The following ZBTB8A variants were observed in gnomAD, a reference collection of about 807,000 sequenced individuals.
The protein encoded by ZBTB8A is zinc finger and BTB domain-containing protein 8A.
In ZBTB8A, 19 loss-of-function variants were observed where a neutral mutation model predicts 37.8. That is an observed-to-expected ratio of 0.50 (90% CI 0.35 to 0.74). The LOEUF is 0.74. ZBTB8A is among the 30% of genes least tolerant of loss of function. The pLI, the probability that ZBTB8A is intolerant of heterozygous loss-of-function variation, is 0.01. For synonymous variants in ZBTB8A, 181 were observed against 185.2 expected, an observed-to-expected ratio of 0.98 and a Z score of 0.19; for missense variants, 394 against 537.8, an observed-to-expected ratio of 0.73 and a Z score of 2.65.
chr1:32,585,777 TGGATCA>T (rs1644443200), intron 2 of ZBTB8A, among the ~76,000 whole-genome samples: 2 of 151,972 alleles, frequency 1.3e-5, no homozygotes, highest in Admixed American at 1.3e-4. Context: ...CCAAGGTGGG[TGGATCA>T]CCTGAAGTCA....
chr1:32,546,299 C>T (rs948609595), intron 1 of ZBTB8A, among the ~76,000 whole-genome samples: 5 of 152,114 alleles, frequency 3.3e-5, no homozygotes, highest in East Asian at 3.9e-4. Context: ...TAATAATTAG[C>T]CAGGTGTGGT....
intron 1 of ZBTB8A, among the ~76,000 whole-genome samples, chr1:32,551,994 A>G (rs1354280034): frequency 6.6e-6 from 1 of 152,076 alleles, no homozygotes; most frequent in Non-Finnish European, 1.5e-5. Context: ...GAGCAATAGG[A>G]CTTACTATCT....
intron 4 of ZBTB8A, among the ~76,000 whole-genome samples, chr1:32,596,818 TA>T (rs1286697083): frequency 6.6e-6 from 1 of 152,204 alleles, no homozygotes; most frequent in Non-Finnish European, 1.5e-5. Flanking sequence ...CTTAGTCTAA[TA>T]TGTTTTTATA....
At chr1:32,592,798 G>A in intron 2 of ZBTB8A, 133 bp from the exon 3 acceptor site, 1 of 726,118 alleles carries the variant, frequency 1.4e-6, no homozygotes, top group East Asian at 2.7e-5. Flanking sequence ...GTGAGCCACT[G>A]TGCCCAGCCA....
At chr1:32,560,857 C>A (rs911219627) in intron 2 of ZBTB8A, among the ~76,000 whole-genome samples, 1 of 151,972 alleles carries the variant, frequency 6.6e-6, no homozygotes, top group Non-Finnish European at 1.5e-5. Context: ...AACTCCTGAC[C>A]TCAAGTGATC....
At chr1:32,597,546 C>T (rs986445783) in intron 4 of ZBTB8A, among the ~76,000 whole-genome samples, 6 of 152,204 alleles carry the variant, frequency 3.9e-5, no homozygotes, top group African/African-American at 1.2e-4. Context: ...GAGCTGGAAT[C>T]AGCCATTTCT....
At chr1:32,556,530 C>T (rs1644203931) in intron 2 of ZBTB8A, among the ~76,000 whole-genome samples, 1 of 152,082 alleles carries the variant, frequency 6.6e-6, no homozygotes, top group Non-Finnish European at 1.5e-5. Flanking sequence ...TCATGCCCAG[C>T]CAATTTTTAA....
At chr1:32,573,228 A>T (rs1440471815) in intron 2 of ZBTB8A, among the ~76,000 whole-genome samples, 1 of 144,434 alleles carries the variant, frequency 6.9e-6, no homozygotes, top group East Asian at 2.0e-4. Flanking sequence ...GTGCCACCAC[A>T]CCCGGCTAAT....
intron 2 of ZBTB8A, among the ~76,000 whole-genome samples, chr1:32,576,696 T>G (rs1044516632): frequency 1.3e-5 from 2 of 152,052 alleles, no homozygotes; most frequent in Admixed American, 1.3e-4. Flanking sequence ...CCCAAAGTGC[T>G]GGGATTACAG....
intron 2 of ZBTB8A, among the ~76,000 whole-genome samples, chr1:32,578,330 G>T (rs774705817): frequency 6.7e-6 from 1 of 150,202 alleles, no homozygotes; most frequent in Non-Finnish European, 1.5e-5. Flanking sequence ...GCCTGCCTCC[G>T]CCTCCCAAAG....
intron 2 of ZBTB8A, among the ~76,000 whole-genome samples, chr1:32,566,580 A>G (rs1248581788): frequency 5.9e-5 from 9 of 152,172 alleles, no homozygotes; most frequent in Non-Finnish European, 1.3e-4. Context: ...TAGTTCTTCC[A>G]CATAATTGCC....
chr1:32,555,101 A>G (rs1570319669), intron 2 of ZBTB8A, among the ~76,000 whole-genome samples: 1 of 152,156 alleles, frequency 6.6e-6, no homozygotes, highest in Non-Finnish European at 1.5e-5. Context: ...TAATAATACC[A>G]TCTCCCAGCT....
intron 2 of ZBTB8A, among the ~76,000 whole-genome samples, chr1:32,561,480 C>T (rs1644243674): frequency 6.6e-6 from 1 of 152,148 alleles, no homozygotes; most frequent in African/African-American, 2.4e-5. Context: ...CAATCCTTGG[C>T]ATTCCTTCTG....
At chr1:32,548,137 TA>T (rs770998213) in intron 1 of ZBTB8A, among the ~76,000 whole-genome samples, 10,403 of 65,806 alleles carry the variant, frequency 0.16, 354 homozygotes, top group Middle Eastern at 0.22. Flanking sequence ...CGTCTCAAAT[TA>T]AAAAAAAAAA....
At chr1:32,550,256 A>C (rs1454351398) in intron 1 of ZBTB8A, among the ~76,000 whole-genome samples, 2 of 152,132 alleles carry the variant, frequency 1.3e-5, no homozygotes, top group Non-Finnish European at 2.9e-5. Flanking sequence ...ACTTGGTGTC[A>C]TCTGAAAAAA....
chr1:32,589,060 A>C (rs899955370), intron 2 of ZBTB8A, among the ~76,000 whole-genome samples: 4 of 152,162 alleles, frequency 2.6e-5, no homozygotes, highest in Non-Finnish European at 4.4e-5. Flanking sequence ...AGGAGGAGAC[A>C]TGGAGACAGC....
chr1:32,586,791 A>G (rs530977344), intron 2 of ZBTB8A, among the ~76,000 whole-genome samples: 1 of 152,210 alleles, frequency 6.6e-6, no homozygotes, highest in Non-Finnish European at 1.5e-5. Context: ...GAGCATGCAG[A>G]TCATATAGGG....
chr1:32,552,925 A>G (rs944258423), intron 1 of ZBTB8A, among the ~76,000 whole-genome samples: 7 of 148,136 alleles, frequency 4.7e-5, no homozygotes, highest in African/African-American at 1.7e-4. Context: ...CATATATTAC[A>G]TATTTGTTCT....
Position 32,595,069 on chromosome 1 carries a change from T to C in ZBTB8A, c.839T>C (p.Met280Thr). Residue 280 changes from methionine to threonine, a missense_variant, in exon 4 of 5, where the codon ATG becomes ACG. Around this residue, in one of 4 missense-constraint regions of ZBTB8A, gnomAD observed 171 missense variants for 186.8 expected, o/e 0.92. Coordinates refer to ENST00000373510, the MANE Select transcript of ZBTB8A (RefSeq NM_001040441.3). ...CTCTTGACAGATGATCTGCCTCGGATGCGATTCAAGTGCCCGTACTGCACA... is the reference window on the plus strand; with the variant it reads ...CTCTTGACAGATGATCTGCCTCGGACGCGATTCAAGTGCCCGTACTGCACA... ...SKSFPDDLPRMRFKCPYCTHV... is the reference protein window; with the variant it reads ...SKSFPDDLPRTRFKCPYCTHV... 6.2e-7 allele frequency: 1 copy of C among 1,613,932 alleles called. No homozygotes were observed. Among genetic ancestry groups the C allele is most frequent in the Non-Finnish European group, 8.5e-7 (1 of 1,179,950 alleles).
Sources: allele counts gnomAD v4.1 joint callset (sites outside exome capture counted in the v4.1 genomes callset), GRCh38; gene constraint gnomAD v4.1.1; regional missense constraint gnomAD v4.1.1; transcripts MANE v1.5; gene names NCBI Gene and HGNC (gene_info 2026-07-23, HGNC 2026-07-21).